The following ANKS1B variants were observed in gnomAD, a reference collection of about 807,000 sequenced individuals.
ANKS1B encodes ankyrin repeat and sterile alpha motif domain-containing protein 1B.
ANKS1B carries 36 observed loss-of-function variants against 148.3 expected under a neutral mutation model. That is an observed-to-expected ratio of 0.24 (90% CI 0.19 to 0.32). The LOEUF (loss-of-function observed/expected upper bound fraction) is 0.32. ANKS1B is among the 10% of genes least tolerant of loss of function. The pLI, the probability that ANKS1B is intolerant of heterozygous loss-of-function variation, is 1.00. For synonymous variants in ANKS1B, 542 were observed against 560.8 expected (o/e 0.97, Z 0.47); for missense variants, 1,157 against 1,542.6 (o/e 0.75, Z 4.19).
chr12:99,493,908 A>G (rs11109865), intron 10 of ANKS1B, among the ~76,000 whole-genome samples: 6,111 of 152,274 alleles, frequency 0.04, 422 homozygotes, highest in African/African-American at 0.14. Context: ...AGTCTTCAGC[A>G]TGTTGATTGT....
chr12:99,571,324 T>C (rs116073340), intron 9 of ANKS1B, among the ~76,000 whole-genome samples: 2,126 of 152,148 alleles, frequency 0.014, 43 homozygotes, highest in African/African-American at 0.047. Context: ...ACAACTCTGT[T>C]GTATACACAA....
At chr12:98,986,015 A>T (rs1310847971) in intron 17 of ANKS1B, among the ~76,000 whole-genome samples, 1 of 152,094 alleles carries the variant, frequency 6.6e-6, no homozygotes, top group Non-Finnish European at 1.5e-5. Flanking sequence ...TTCAGAGTTG[A>T]CAGTTCTTTT....
chr12:99,224,321 C>T (rs2153941875), intron 14 of ANKS1B, among the ~76,000 whole-genome samples: 1 of 152,168 alleles, frequency 6.6e-6, no homozygotes, highest in East Asian at 1.9e-4. Context: ...CTCATTTGTC[C>T]CCACCAAAAT....
At chr12:99,621,437 T>G (rs149895204) in intron 9 of ANKS1B, among the ~76,000 whole-genome samples, 2 of 148,606 alleles carry the variant, frequency 1.3e-5, no homozygotes, top group Non-Finnish European at 3.0e-5. Flanking sequence ...TACCCCCCAC[T>G]TAAAATCACA....
chr12:98,843,290 T>C (rs2099418286), intron 17 of ANKS1B, among the ~76,000 whole-genome samples: 1 of 152,214 alleles, frequency 6.6e-6, no homozygotes, highest in African/African-American at 2.4e-5. Flanking sequence ...GTTCTTGCCC[T>C]GGCAAGACTG....
intron 1 of ANKS1B, among the ~76,000 whole-genome samples, chr12:99,917,797 GC>G (rs1486965933): frequency 6.6e-6 from 1 of 152,176 alleles, no homozygotes; most frequent in Non-Finnish European, 1.5e-5. Context: ...AAGGATTGGT[GC>G]CCCATCCTCT....
intron 19 of ANKS1B, among the ~76,000 whole-genome samples, chr12:98,827,552 T>C (rs1290720743): frequency 6.6e-6 from 1 of 152,172 alleles, no homozygotes; most frequent in African/African-American, 2.4e-5. Flanking sequence ...TTTGTGCTAT[T>C]TGGTACTACT....
chr12:99,347,220 G>A (rs944885299), intron 12 of ANKS1B, among the ~76,000 whole-genome samples: 4 of 151,970 alleles, frequency 2.6e-5, no homozygotes, highest in African/African-American at 9.7e-5. Flanking sequence ...ACCAGCCACT[G>A]CTACGCCCAT....
rs372160349 is a variant in ANKS1B, at chr12:99,369,035, G to A, written c.1756+30596C>T. Among the ~76,000 whole-genome samples the A allele has an allele frequency of 1.6e-4, 24 of 152,254 alleles. No individual in the cohort carries two copies. The South Asian group carries it at 5.0e-3, about 32-fold the overall frequency. On this transcript the variant is annotated intron_variant, in intron 12 of 26. Transcript: ENST00000683438. Reference sequence around the variant, plus strand: ...GAAAGTTCACTGGGGAATACCTGATGTCATTCCCAACAGTTCATTTACCCC... The same window carrying A: ...GAAAGTTCACTGGGGAATACCTGATATCATTCCCAACAGTTCATTTACCCC...
chr12:99,319,342 A>G (rs1468766190), intron 12 of ANKS1B, among the ~76,000 whole-genome samples: 1 of 152,130 alleles, frequency 6.6e-6, no homozygotes. Context: ...TGCTTTATGA[A>G]TCTGGGTACT....
At chr12:98,757,858 T>TA (rs1401697766) in intron 25 of ANKS1B, among the ~76,000 whole-genome samples, 1 of 152,226 alleles carries the variant, frequency 6.6e-6, no homozygotes, top group African/African-American at 2.4e-5. Context: ...ACACATTTAT[T>TA]ACGGCGATTG....
intron 1 of ANKS1B, among the ~76,000 whole-genome samples, chr12:99,836,801 C>T (rs865777408): frequency 4.6e-5 from 7 of 152,048 alleles, no homozygotes; most frequent in South Asian, 2.1e-4. Context: ...GAAAATAAAC[C>T]AGCAGACAAG....
At position 99,185,185 on chromosome 12, in the gene ANKS1B, T is replaced by C. The variant is rs151151675; in HGVS notation, c.2420-30790A>G. Among the ~76,000 whole-genome samples the C allele has an allele frequency of 6.7e-3, 1,019 of 152,294 alleles. 19 individuals are homozygous for C. Among genetic ancestry groups the C allele is most frequent in the African/African-American group, 0.023 (954 of 41,566 alleles). ...TAAAAAGTATCAGATCATTGACTGATTCTTCAGAAGGATCCTAGATTACCA... is the reference window on the plus strand; with the variant it reads ...TAAAAAGTATCAGATCATTGACTGACTCTTCAGAAGGATCCTAGATTACCA... On this transcript the variant is annotated intron_variant, in intron 14 of 26. Transcript: ENST00000683438.
chr12:98,778,273 C>G (rs1272849074), intron 24 of ANKS1B, among the ~76,000 whole-genome samples: 1 of 152,014 alleles, frequency 6.6e-6, no homozygotes, highest in African/African-American at 2.4e-5. Context: ...GTCAGGAGTT[C>G]GAGACCAGCC....
At chr12:99,155,054 A>T (rs778244868) in intron 14 of ANKS1B, 177 of 1,534,986 alleles carry the variant, frequency 1.2e-4, no homozygotes, top group Non-Finnish European at 1.5e-4. Flanking sequence ...CAAAGTGCTT[A>T]AATCTGAATT....
intron 17 of ANKS1B, among the ~76,000 whole-genome samples, chr12:99,035,967 A>G (rs938679395): frequency 6.6e-6 from 1 of 152,222 alleles, no homozygotes; most frequent in Non-Finnish European, 1.5e-5. Flanking sequence ...CCTGATGCAG[A>G]CAGCCTGTTG....
At chr12:99,299,986 T>C (rs1349178994) in intron 12 of ANKS1B, among the ~76,000 whole-genome samples, 2 of 152,114 alleles carry the variant, frequency 1.3e-5, no homozygotes, top group African/African-American at 4.8e-5. Flanking sequence ...TCATGGTCAA[T>C]ACAGATGGCT....
chr12:99,735,192 A>G (rs1253540373), intron 8 of ANKS1B, among the ~76,000 whole-genome samples: 2 of 152,356 alleles, frequency 1.3e-5, no homozygotes, highest in African/African-American at 4.8e-5. Context: ...AATCAGTCTA[A>G]TGATGCACCT....
At chr12:99,315,715 C>T (rs1171581875) in intron 12 of ANKS1B, among the ~76,000 whole-genome samples, 2 of 152,004 alleles carry the variant, frequency 1.3e-5, no homozygotes, top group African/African-American at 4.8e-5. Flanking sequence ...TACATGTGCA[C>T]AACGTGCAGG....
Sources: gnomAD v4.1 joint callset for allele counts (sites outside exome capture counted in the v4.1 genomes callset) on GRCh38, gnomAD v4.1.1 for gene constraint, MANE v1.5 for transcripts, NCBI Gene and HGNC (gene_info 2026-07-23, HGNC 2026-07-21) for gene names.